Variants in CHADL observed in about 807,000 individuals in gnomAD.
CHADL encodes chondroadherin-like protein.
A neutral mutation model predicts 52.1 loss-of-function variants in CHADL; 48 were observed. That is an observed-to-expected ratio of 0.92 (90% CI 0.73 to 1.17). The LOEUF is 1.17. Among genes scored for constraint, CHADL ranks in the 50% most tolerant of loss-of-function variants. The pLI, the probability that CHADL is intolerant of heterozygous loss-of-function variation, is 0.00. For missense variants in CHADL, 977 were observed against 1,035.1 expected, an observed-to-expected ratio of 0.94 and a Z score of 0.77; for synonymous variants, 498 against 511.2, an observed-to-expected ratio of 0.97 and a Z score of 0.35.
rs529744349 is a variant in CHADL at position 41,233,408 on chromosome 22, G to A, written c.2262+1737C>T. Among the ~76,000 whole-genome samples the A allele has an allele frequency of 1.6e-4, 25 of 152,134 alleles. No homozygotes were observed. The East Asian group carries it at 4.7e-3, about 28-fold the overall frequency. ...ACCCAGGAGGCAGAGGGTGCAGTGA[G>A]CCAAGACTGTGCCATTGCACTCCAG... On this transcript the variant is annotated intron_variant, in intron 5 of 5. Coordinates refer to ENST00000216241, the MANE Select transcript of CHADL (RefSeq NM_138481.2).
chr22:41,229,739 A>G lies in CHADL; in HGVS notation c.2263-9T>C, dbSNP rs752502314. 1 of 1,608,544 alleles carries G rather than the reference A, an allele frequency of 6.2e-7. No individual in the cohort carries two copies. The highest frequency in any genetic ancestry group is 1.1e-5 in the South Asian group (1 of 90,452). ...CCCTTCTCCTTCCCCACCTGGGCACAGAAGAGTAGAGTCAGGTTTCTTTGG... is the reference window on the plus strand; with the variant it reads ...CCCTTCTCCTTCCCCACCTGGGCACGGAAGAGTAGAGTCAGGTTTCTTTGG... On this transcript the variant is annotated splice_polypyrimidine_tract_variant and intron_variant, in intron 5 of 5. Coordinates refer to ENST00000216241, the MANE Select transcript of CHADL (RefSeq NM_138481.2).
Position 41,236,555 on chromosome 22 carries a change from G to A in CHADL, c.1992C>T (p.Leu664=), listed in dbSNP as rs374276082. 436 of 1,551,404 alleles carry A rather than the reference G, an allele frequency of 2.8e-4. No homozygotes were observed. The highest frequency in any genetic ancestry group is 3.6e-4 in the Non-Finnish European group (414 of 1,146,994). The stretch of plus-strand genomic sequence containing the variant: ...TGAGGTCGATGAGCTCCAGCTGGCT[G>A]AGACTGGGCAGGGCAGGCAGGGCCC... ...QLRALPALPS[L]SQLELIDLSS... Residue 664 remains leucine, a synonymous_variant, in exon 4 of 6, where the codon CTC becomes CTT. Coordinates refer to ENST00000216241, the MANE Select transcript of CHADL (RefSeq NM_138481.2).
At chr22:41,232,869 G>A (rs543270869) in intron 5 of CHADL, among the ~76,000 whole-genome samples, 13 of 152,236 alleles carry the variant, frequency 8.5e-5, no homozygotes, top group South Asian at 4.1e-4. Context: ...TCCCAGTCGC[G>A]CACGTGACTG....
chr22:41,240,857 C>G lies in CHADL; in HGVS notation c.8+17G>C, dbSNP rs150458981. On this transcript the variant is annotated intron_variant, in intron 1 of 5. Coordinates refer to ENST00000216241, the MANE Select transcript of CHADL (RefSeq NM_138481.2). ...TGCTCTGAATCCCCCCTTGCACCAT[C>G]GGGCCCAAAGACTCACCCCTCCATG... The G allele has an allele frequency of 1.5e-5, 24 of 1,550,990 alleles. 1 individual carries two copies. In the South Asian group the frequency reaches 2.3e-4, roughly 15 times the overall value.
chr22:41,237,429 C>A lies in CHADL; in HGVS notation c.1643G>T (p.Arg548Leu). ...PGDLGRTRALRWVYLSGNRIT... is the reference protein window; with the variant it reads ...PGDLGRTRALLWVYLSGNRIT... The stretch of plus-strand genomic sequence containing the variant: ...GCGGTTTCCACTCAGGTAGACCCAG[C>A]GCAAGGCCCGTGTTCTCCCCAGGTC... Residue 548 changes from arginine (R) to leucine (L), a missense_variant, in exon 3 of 6, where the codon CGC becomes CTC. Arg to Leu is a moderately radical substitution (Grantham distance 102). Transcript: ENST00000216241. 6.4e-7 allele frequency: 1 copy of A among 1,550,502 alleles called. No homozygotes were observed. The highest frequency in any genetic ancestry group is 8.7e-7 in the Non-Finnish European group (1 of 1,146,962).
chr22:41,239,541 C>T lies in CHADL; in HGVS notation c.88G>A (p.Ala30Thr), dbSNP rs946624551. 2.0e-5 allele frequency: 31 copies of T among 1,548,628 alleles called. No homozygotes were observed. The highest frequency in any genetic ancestry group is 1.8e-5 in the Non-Finnish European group (21 of 1,146,178). ...LLLAPARQAA[A>T]QRCPQACICD... is the part of the protein sequence containing the mutation. ...ATGCAGGCCTGTGGGCAGCGCTGGG[C>T]GGCGGCCTGCCTAGCCGGGGCCAGC... Residue 30 changes from alanine to threonine, a missense_variant, in exon 2 of 6, where the codon GCC (alanine) becomes ACC (threonine). Ala to Thr is a moderately conservative substitution (Grantham distance 58). Transcript: ENST00000216241.
chr22:41,239,130 A>G (rs962120133), intron 2 of CHADL, among the ~76,000 whole-genome samples: 2 of 152,138 alleles, frequency 1.3e-5, no homozygotes, highest in African/African-American at 2.4e-5. Context: ...ATGACTCTGC[A>G]GAGCAGAGAC....
rs1465984262 is a variant in CHADL at position 41,237,577 on chromosome 22, G to A, written c.1495C>T (p.Leu499Phe). Residue 499 changes from leucine (L) to phenylalanine (F), a missense_variant, in exon 3 of 6, where the codon CTC (leucine) becomes TTC (phenylalanine). Coordinates refer to ENST00000216241, the MANE Select transcript of CHADL (RefSeq NM_138481.2). The part of the protein sequence containing the change: ...SAAALEGAPR[L>F]GYLYLERNRF... ...TTGCGTTCTAGGTACAGGTAGCCGA[G>A]GCGGGGAGCCCCTTCAAGGGCAGCA... 1.9e-6 allele frequency: 3 copies of A among 1,550,410 alleles called. No individual in the cohort carries two copies. Among genetic ancestry groups the A allele is most frequent in the Non-Finnish European group, 2.6e-6 (3 of 1,146,934 alleles).
chr22:41,237,712 G>A lies in CHADL; in HGVS notation c.1360C>T (p.Leu454=). Reference sequence around the variant, plus strand: ...GCGATGCCGCAGTGCTGCAGGTGCAGCGACACCAGGTGGCCCAGGCCGGGG... The same window carrying A: ...GCGATGCCGCAGTGCTGCAGGTGCAACGACACCAGGTGGCCCAGGCCGGGG... The part of the protein sequence containing the change: ...AFPGLGHLVS[L]HLQHCGIAEL... The change falls in exon 3 of 6, where the codon CTG becomes TTG. Residue 454 remains leucine, a synonymous_variant. Transcript: ENST00000216241. 6.5e-7 allele frequency: 1 copy of A among 1,541,678 alleles called. No homozygotes were observed. The highest frequency in any genetic ancestry group is 8.8e-7 in the Non-Finnish European group (1 of 1,142,610).
Position 41,236,536 on chromosome 22 carries a change from C to G in CHADL, c.2011G>C (p.Asp671His), listed in dbSNP as rs376640941. 2.9e-5 allele frequency: 45 copies of G among 1,551,326 alleles called. No individual in the cohort carries two copies. Among genetic ancestry groups the G allele is most frequent in the Non-Finnish European group, 3.9e-5 (45 of 1,146,980 alleles). The change falls in exon 4 of 6, where the codon GAC becomes CAC. Residue 671 changes from aspartate (D) to histidine (H), a missense_variant. Asp to His is a moderately conservative substitution (Grantham distance 81, BLOSUM62 -1). Transcript: ENST00000216241. ...LPSLSQLELI[D>H]LSSNPFHCDC... ...CAGTGGAAGGGATTGCTGCTGAGGT[C>G]GATGAGCTCCAGCTGGCTGAGACTG...
intron 1 of CHADL, 111 bp from the exon 2 acceptor site, chr22:41,239,731 C>T: frequency 1.0e-6 from 1 of 985,644 alleles, no homozygotes; most frequent in Non-Finnish European, 1.4e-6. Context: ...TCAGAGCCTC[C>T]TCCTTTGGGC....
At chr22:41,233,534 C>T (rs947962363) in intron 5 of CHADL, among the ~76,000 whole-genome samples, 1 of 152,108 alleles carries the variant, frequency 6.6e-6, no homozygotes, top group East Asian at 1.9e-4. Context: ...CACAACATCA[C>T]GTGAAGGTTG....
At chr22:41,229,870 CCCTCCT>C in intron 5 of CHADL, 140 bp from the exon 6 acceptor site, 1 of 800,656 alleles carries the variant, frequency 1.2e-6, no homozygotes, top group Non-Finnish European at 2.1e-6. Context: ...CGGCCCCGGC[CCCTCCT>C]CCTCCTCCAT....
In CHADL at chr22:41,237,604, C is replaced by A; in HGVS notation, c.1468G>T (p.Ala490Ser). The A allele has an allele frequency of 6.4e-7, 1 of 1,550,484 alleles. No individual in the cohort carries two copies. Among genetic ancestry groups the A allele is most frequent in the South Asian group, 1.2e-5 (1 of 84,064 alleles). The stretch of plus-strand genomic sequence containing the variant: ...CGGGGAGCCCCTTCAAGGGCAGCAG[C>A]GCTGAGGCCTGCGAGCTGGTTGTCG... Reference protein sequence around the residue: ...LSDNQLAGLSAAALEGAPRLG... With the variant: ...LSDNQLAGLSSAALEGAPRLG... The change falls in exon 3 of 6, where the codon GCT (alanine) becomes TCT (serine). Residue 490 changes from alanine to serine, a missense_variant. Transcript: ENST00000216241.
intron 5 of CHADL, among the ~76,000 whole-genome samples, chr22:41,232,567 G>A (rs554486246): frequency 4.6e-5 from 7 of 152,224 alleles, no homozygotes; most frequent in Admixed American, 2.6e-4. Context: ...CTCAAGATAA[G>A]AGCCCTCTGC....
rs759851869 is a variant in CHADL at position 41,238,443 on chromosome 22, C to T, written c.629G>A (p.Arg210Gln). Residue 210 changes from arginine to glutamine, a missense_variant, in exon 3 of 6, where the codon CGG (arginine) becomes CAG (glutamine). Arg to Gln is a conservative substitution (Grantham distance 43, BLOSUM62 1). Coordinates refer to ENST00000216241, the MANE Select transcript of CHADL (RefSeq NM_138481.2). The surrounding 1 kb of genome is among the most constrained non-coding windows in gnomAD (Gnocchi z 4.9). ...GAGCTCGTTGTGGTGTAGGCTGAGC[C>T]GTCTCAGGGCGGGCAGGCCAGCCAG... ...EALAGLPALRRLSLHHNELQA... is the reference protein window; with the variant it reads ...EALAGLPALRQLSLHHNELQA... 87 of 1,528,212 alleles carry T rather than the reference C, an allele frequency of 5.7e-5. No homozygotes were observed. The highest frequency in any genetic ancestry group is 7.5e-5 in the Non-Finnish European group (86 of 1,140,324). The allele number at this position is 1,528,212 out of a possible 1,614,324, so 94.7% of individuals were successfully genotyped here.
At chr22:41,236,122 T>C (rs564476432) in intron 4 of CHADL, among the ~76,000 whole-genome samples, 10 of 152,372 alleles carry the variant, frequency 6.6e-5, no homozygotes, top group African/African-American at 2.4e-4. Context: ...TCAGCCTGCA[T>C]TGGCCTCCCA....
At position 41,238,461 on chromosome 22, in the gene CHADL, C is replaced by A; in HGVS notation, c.611G>T (p.Gly204Val). 6.5e-7 allele frequency: 1 copy of A among 1,529,626 alleles called. No homozygotes were observed. 94.8% of individuals were successfully genotyped at this position (1,529,626 alleles called of 1,614,324 possible). ...LSVLAPEALA[G>V]LPALRRLSLH... is the part of the protein sequence containing the mutation. ...GCTGAGCCGTCTCAGGGCGGGCAGG[C>A]CAGCCAGGGCCTCGGGGGCCAGCAC... The change falls in exon 3 of 6, where the codon GGC (glycine) becomes GTC (valine). Residue 204 changes from glycine (G) to valine (V), a missense_variant. Gly to Val is a moderately radical substitution (Grantham distance 109, BLOSUM62 -3). Transcript: ENST00000216241. The surrounding 1 kb of genome is among the most constrained non-coding windows in gnomAD (Gnocchi z 4.9).
chr22:41,239,171 C>T (rs2032815813), intron 2 of CHADL, among the ~76,000 whole-genome samples: 1 of 152,242 alleles, frequency 6.6e-6, no homozygotes, highest in Non-Finnish European at 1.5e-5. Flanking sequence ...CCCGCCTCTC[C>T]ACCACAGGGT....
Sources: gnomAD v4.1 joint callset for allele counts (sites outside exome capture counted in the v4.1 genomes callset) on GRCh38, gnomAD v4.1.1 for gene constraint, Gnocchi (gnomAD v3.1) non-coding constraint, MANE v1.5 for transcripts, NCBI Gene and HGNC (gene_info 2026-07-23, HGNC 2026-07-21) for gene names.